AKAP3: variants seen among roughly 807,000 people sequenced by gnomAD.
The protein encoded by AKAP3 is A-kinase anchor protein 3.
In AKAP3, 27 loss-of-function variants were observed where a neutral mutation model predicts 57.2. The observed-to-expected ratio is 0.47, with a 90% CI of 0.35 to 0.65. AKAP3 has a LOEUF of 0.65. AKAP3 is among the 30% of genes least tolerant of loss of function. The pLI is 0.01. For missense variants in AKAP3, 959 were observed against 1,040.0 expected, an observed-to-expected ratio of 0.92 and a Z score of 1.07; for synonymous variants, 334 against 392.3, an observed-to-expected ratio of 0.85 and a Z score of 1.76.
intron 4 of AKAP3, chr12:4,636,281 G>T: frequency 2.6e-6 from 1 of 385,480 alleles, no homozygotes; most frequent in South Asian, 2.7e-5. Flanking sequence ...CGGAGCTGTG[G>T]GCTGAAGCCC....
chr12:4,646,707 T>C (rs1368555035), intron 1 of AKAP3, among the ~76,000 whole-genome samples: 1 of 152,190 alleles, frequency 6.6e-6, no homozygotes, highest in Non-Finnish European at 1.5e-5. Flanking sequence ...ATCTTTTATA[T>C]TGTCTCAAGA....
intron 3 of AKAP3, among the ~76,000 whole-genome samples, chr12:4,641,062 C>CTTTTTTTTTT (rs374817430): frequency 2.9e-5 from 2 of 68,698 alleles, no homozygotes; most frequent in Non-Finnish European, 5.0e-5. Context: ...TTCTAACTTC[C>CTTTTTTTTTT]TTTTTTTTTT....
intron 3 of AKAP3, among the ~76,000 whole-genome samples, chr12:4,638,839 C>T (rs146486490): frequency 7.9e-5 from 12 of 152,288 alleles, no homozygotes; most frequent in African/African-American, 2.2e-4. Context: ...TGTCTATGGA[C>T]GCAGTGATTT....
intron 4 of AKAP3, among the ~76,000 whole-genome samples, chr12:4,637,090 C>T (rs147309382): frequency 7.2e-4 from 110 of 152,248 alleles, no homozygotes; most frequent in African/African-American, 2.6e-3. Context: ...AATAGTGATT[C>T]CATTAGATTA....
chr12:4,622,359 T>C (rs2137427497), intron 5 of AKAP3, among the ~76,000 whole-genome samples: 1 of 152,214 alleles, frequency 6.6e-6, no homozygotes, highest in South Asian at 2.1e-4. Flanking sequence ...GCTAGAGGCA[T>C]CACATTACTC....
intron 2 of AKAP3, among the ~76,000 whole-genome samples, chr12:4,643,619 C>T (rs894611559): frequency 6.6e-6 from 1 of 152,192 alleles, no homozygotes; most frequent in African/African-American, 2.4e-5. Context: ...TGATAACATT[C>T]TGGCAGCTGT....
intron 1 of AKAP3, among the ~76,000 whole-genome samples, chr12:4,647,413 C>T (rs1227386995): frequency 6.6e-6 from 1 of 151,682 alleles, no homozygotes; most frequent in Non-Finnish European, 1.5e-5. Context: ...TGACTCATGC[C>T]TGTAATCCCA....
At chr12:4,615,942 C>A in intron 5 of AKAP3, 48 bp from the exon 6 acceptor site, 1 of 1,609,876 alleles carries the variant, frequency 6.2e-7, no homozygotes, top group Non-Finnish European at 8.5e-7. Context: ...CATCTCATGG[C>A]AGGCCAGATG....
chr12:4,623,890 T>G (rs1990316), intron 5 of AKAP3, among the ~76,000 whole-genome samples: 130,373 of 152,206 alleles, frequency 0.86, 55,989 homozygotes, highest in East Asian at 0.93. Flanking sequence ...ATTAAAAATT[T>G]TAGCATGCAC....
intron 1 of AKAP3, chr12:4,645,659 T>A (rs1409932709): frequency 1.3e-5 from 2 of 152,088 alleles, no homozygotes; most frequent in Non-Finnish European, 2.9e-5. Context: ...CAAGCTCCTA[T>A]GAGAATCTAA....
At chr12:4,622,111 T>A (rs1045345896) in intron 5 of AKAP3, among the ~76,000 whole-genome samples, 2 of 152,160 alleles carry the variant, frequency 1.3e-5, no homozygotes, top group Non-Finnish European at 2.9e-5. Context: ...TACAAAACAC[T>A]GCTCGAAGAA....
At chr12:4,646,522 A>G (rs1302136281) in intron 1 of AKAP3, among the ~76,000 whole-genome samples, 1 of 152,066 alleles carries the variant, frequency 6.6e-6, no homozygotes, top group East Asian at 1.9e-4. Flanking sequence ...AATACAAAAA[A>G]TTAGCCAGGC....
chr12:4,622,688 C>G (rs1206382454), intron 5 of AKAP3, among the ~76,000 whole-genome samples: 1 of 152,070 alleles, frequency 6.6e-6, no homozygotes, highest in Non-Finnish European at 1.5e-5. Flanking sequence ...AGAAGAACAC[C>G]TAGACAATAC....
At chr12:4,632,799 C>T (rs1397776821) in intron 4 of AKAP3, among the ~76,000 whole-genome samples, 1 of 152,042 alleles carries the variant, frequency 6.6e-6, no homozygotes, top group Non-Finnish European at 1.5e-5. Context: ...CGCCATCACG[C>T]CCGGCTAATT....
chr12:4,620,474 CAAA>C (rs35307509), intron 5 of AKAP3, among the ~76,000 whole-genome samples: 1 of 82,678 alleles, frequency 1.2e-5, no homozygotes, highest in Non-Finnish European at 2.2e-5. Flanking sequence ...GAGACTGTCT[CAAA>C]AAAAAAAAAA....
chr12:4,631,531 A>G (rs1197138099), intron 4 of AKAP3: 1 of 578,428 alleles, frequency 1.7e-6, no homozygotes, highest in Non-Finnish European at 3.0e-6. Flanking sequence ...CTTCCCCCAG[A>G]GAGTATTAAT....
rs1162504058 is a variant in AKAP3 at position 4,628,144 on chromosome 12, T to A, written c.758A>T (p.Tyr253Phe). Residue 253 changes from tyrosine to phenylalanine, a missense_variant, in exon 5 of 6, where the codon TAT (tyrosine) becomes TTT (phenylalanine). Tyr to Phe is a conservative substitution (Grantham distance 22). Coordinates refer to ENST00000228850, the MANE Select transcript of AKAP3 (RefSeq NM_001278309.2). ...AAAGAACCTTCCACCCTCTCTGGCA[T>A]AATCTCCATTACGAGATTCAAACAC... ...KEVFESRNGDYAREGGRFFPR... is the reference protein window; with the variant it reads ...KEVFESRNGDFAREGGRFFPR... The A allele has an allele frequency of 6.2e-7, 1 of 1,614,044 alleles. No homozygotes were observed. Among genetic ancestry groups the A allele is most frequent in the Non-Finnish European group, 8.5e-7 (1 of 1,180,016 alleles).
In AKAP3 at chr12:4,626,824, G is replaced by T; in HGVS notation, c.2078C>A (p.Ala693Glu). 1 of 1,605,848 alleles carries T rather than the reference G, an allele frequency of 6.2e-7. No homozygotes were observed. The highest frequency in any genetic ancestry group is 8.5e-7 in the Non-Finnish European group (1 of 1,177,518). The stretch of plus-strand genomic sequence containing the variant: ...TCCAGACTTGTCATCTCCCAGCTCT[G>T]CCAACGAAGCATCACAGGACTTAGC... ...IIAKSCDASL[A>E]ELGDDKSGDA... is the part of the protein sequence containing the mutation. Residue 693 changes from alanine (A) to glutamate (E), a missense_variant, in exon 5 of 6, where the codon GCA becomes GAA. By Grantham distance (107) the Ala-to-Glu change is moderately radical (BLOSUM62 -1). Coordinates refer to ENST00000228850, the MANE Select transcript of AKAP3 (RefSeq NM_001278309.2).
At chr12:4,644,952 G>C (rs932718859) in intron 2 of AKAP3, 103 bp downstream of exon 2, 1 of 152,164 alleles carries the variant, frequency 6.6e-6, no homozygotes, top group African/African-American at 2.4e-5. Flanking sequence ...AACAACGCTA[G>C]GTTGAACATA....
Sources: allele counts gnomAD v4.1 joint callset (sites outside exome capture counted in the v4.1 genomes callset), GRCh38; gene constraint gnomAD v4.1.1; transcripts MANE v1.5; gene names NCBI Gene and HGNC (gene_info 2026-07-23, HGNC 2026-07-21).